The following PLCL2 variants were observed in gnomAD, a reference collection of about 807,000 sequenced individuals.
The protein encoded by PLCL2 is inactive phospholipase C-like protein 2.
PLCL2 carries 4 observed loss-of-function variants against 79.6 expected under a neutral mutation model. The ratio of observed to expected loss-of-function variants is 0.05; its 90% CI spans 0.02 to 0.11. The LOEUF is 0.11. Among genes scored for constraint, PLCL2 ranks in the 10% least tolerant of loss-of-function variants. PLCL2 has a pLI of 1.00. For missense variants in PLCL2, 895 were observed against 1,291.0 expected, an observed-to-expected ratio of 0.69 and a Z score of 4.70; for synonymous variants, 484 against 457.7, an observed-to-expected ratio of 1.06 and a Z score of -0.73.
At chr3:16,972,733 G>A (rs1393203375) in intron 1 of PLCL2, among the ~76,000 whole-genome samples, 1 of 152,126 alleles carries the variant, frequency 6.6e-6, no homozygotes, top group Non-Finnish European at 1.5e-5. Context: ...TTACCATTAT[G>A]TATTGCCCTT....
At chr3:17,037,890 A>C (rs960714500) in intron 3 of PLCL2, among the ~76,000 whole-genome samples, 5 of 152,066 alleles carry the variant, frequency 3.3e-5, no homozygotes, top group Admixed American at 2.0e-4. Context: ...AATATGAAGG[A>C]GCAGTCTATA....
At chr3:16,889,048 CG>C (rs1696287862) in intron 1 of PLCL2, among the ~76,000 whole-genome samples, 1 of 152,164 alleles carries the variant, frequency 6.6e-6, no homozygotes, top group African/African-American at 2.4e-5. Context: ...TGGCAATCTT[CG>C]GTTCTTTTTT....
intron 1 of PLCL2, among the ~76,000 whole-genome samples, chr3:16,941,697 C>T (rs1176115254): frequency 6.6e-6 from 1 of 152,168 alleles, no homozygotes. Context: ...GGGCTGAGGG[C>T]CCCTCCTCTG....
chr3:16,983,172 A>T (rs1474512425), intron 1 of PLCL2, among the ~76,000 whole-genome samples: 1 of 152,252 alleles, frequency 6.6e-6, no homozygotes, highest in Non-Finnish European at 1.5e-5. Context: ...CATAGTTGTT[A>T]CTAAAGGATG....
intron 1 of PLCL2, among the ~76,000 whole-genome samples, chr3:16,942,031 C>G (rs900596281): frequency 2.6e-5 from 4 of 152,154 alleles, no homozygotes; most frequent in Non-Finnish European, 5.9e-5. Context: ...TAAATGGAAT[C>G]TGCTAATTCT....
At chr3:17,075,837 T>G (rs2065104203) in intron 5 of PLCL2, among the ~76,000 whole-genome samples, 2 of 152,368 alleles carry the variant, frequency 1.3e-5, no homozygotes, top group South Asian at 4.1e-4. Flanking sequence ...TACAAGTTAA[T>G]GTAGGTTTCA....
intron 1 of PLCL2, among the ~76,000 whole-genome samples, chr3:16,904,792 C>G (rs1311470560): frequency 1.3e-5 from 2 of 152,050 alleles, no homozygotes; most frequent in African/African-American, 2.4e-5. Flanking sequence ...TGAGTGAGTT[C>G]TCATGAGATC....
chr3:17,017,572 TG>T (rs2064398702), intron 3 of PLCL2, among the ~76,000 whole-genome samples: 1 of 152,214 alleles, frequency 6.6e-6, no homozygotes, highest in South Asian at 2.1e-4. Flanking sequence ...ATTTTTGTAA[TG>T]TTATGTTGAG....
intron 5 of PLCL2, among the ~76,000 whole-genome samples, 173 bp downstream of exon 5, chr3:17,068,238 T>G (rs1478495642): frequency 2.0e-5 from 3 of 152,218 alleles, no homozygotes; most frequent in African/African-American, 4.8e-5. Flanking sequence ...CACAACAGTT[T>G]GACATTGTAG....
At chr3:16,947,015 G>T (rs149427313) in intron 1 of PLCL2, among the ~76,000 whole-genome samples, 1,583 of 142,336 alleles carry the variant, frequency 0.011, 30 homozygotes, top group Admixed American at 0.048. Context: ...GAGTGCAGTG[G>T]CACGGTCATG....
At chr3:16,995,934 T>TA (rs1264079697) in intron 1 of PLCL2, among the ~76,000 whole-genome samples, 2 of 152,334 alleles carry the variant, frequency 1.3e-5, no homozygotes, top group East Asian at 3.9e-4. Context: ...GAAGAGAGGT[T>TA]AGCCACACTC....
intron 1 of PLCL2, among the ~76,000 whole-genome samples, chr3:16,974,942 C>T (rs2063908680): frequency 6.6e-6 from 1 of 152,144 alleles, no homozygotes; most frequent in Admixed American, 6.6e-5. Flanking sequence ...CTTGGAATTC[C>T]TCCGGAGTCT....
chr3:17,069,435 T>C (rs751296006), intron 5 of PLCL2, among the ~76,000 whole-genome samples: 4 of 152,176 alleles, frequency 2.6e-5, no homozygotes, highest in Non-Finnish European at 5.9e-5. Flanking sequence ...TTTGTGCTTC[T>C]CTTTGGTGGG....
At chr3:16,918,160 G>A (rs983545) in intron 1 of PLCL2, among the ~76,000 whole-genome samples, 51,135 of 151,962 alleles carry the variant, frequency 0.34, 8,883 homozygotes, top group East Asian at 0.54. Context: ...AAGTAAGGCT[G>A]TAAGATTGTG....
chr3:16,966,513 C>A (rs1318372918), intron 1 of PLCL2, among the ~76,000 whole-genome samples: 1 of 152,086 alleles, frequency 6.6e-6, no homozygotes, highest in African/African-American at 2.4e-5. Flanking sequence ...ACTTTGGTAT[C>A]AGGATGATGT....
At chr3:17,020,300 A>G (rs947749183) in intron 3 of PLCL2, among the ~76,000 whole-genome samples, 1 of 152,118 alleles carries the variant, frequency 6.6e-6, no homozygotes, top group African/African-American at 2.4e-5. Flanking sequence ...GTTTTTTGTT[A>G]ATTTTGCTGC....
intron 1 of PLCL2, among the ~76,000 whole-genome samples, chr3:16,946,998 C>T (rs1298286299): frequency 3.5e-5 from 4 of 114,796 alleles, no homozygotes; most frequent in African/African-American, 1.4e-4. Flanking sequence ...CTCTGTTGCC[C>T]AGGCTGGAGT....
rs115109377 is a variant in PLCL2, at chr3:16,897,256, T to G, written c.327+11890T>G. On this transcript the variant is annotated intron_variant, in intron 1 of 5. Coordinates refer to ENST00000615277, the MANE Select transcript of PLCL2 (RefSeq NM_001144382.2). ...TATATGTGAAAATGACAGTCTGCCC[T>G]ATGTGTCTTTTTTTGATCTAGGTAA... 2.7e-3 allele frequency among the ~76,000 whole-genome samples: 412 copies of G among 152,088 alleles called. 3 individuals carry two copies. The highest frequency in any genetic ancestry group is 9.4e-3 in the African/African-American group (389 of 41,452).
Position 17,010,808 on chromosome 3 carries a change from C to A in PLCL2, c.1462C>A (p.His488Asn). The A allele has an allele frequency of 6.2e-7, 1 of 1,614,124 alleles. No individual in the cohort carries two copies. The highest frequency in any genetic ancestry group is 8.5e-7 in the Non-Finnish European group (1 of 1,180,022). The change falls in exon 2 of 6, where the codon CAC (histidine) becomes AAC (asparagine). Residue 488 changes from histidine (H) to asparagine (N), a missense_variant. Physicochemically the swap from His to Asn is moderately conservative, Grantham distance 68. Transcript: ENST00000615277. The surrounding 1 kb of genome is among the most constrained non-coding windows in gnomAD (Gnocchi z 5.8). ...PDNEPVIYTGHTMTSQIVFRS... is the reference protein window; with the variant it reads ...PDNEPVIYTGNTMTSQIVFRS... The stretch of plus-strand genomic sequence containing the variant: ...CAATGAACCTGTAATTTACACAGGC[C>A]ACACCATGACCTCTCAGATAGTTTT...
Sources: gnomAD v4.1 joint callset for allele counts (sites outside exome capture counted in the v4.1 genomes callset) on GRCh38, gnomAD v4.1.1 for gene constraint, Gnocchi (gnomAD v3.1) non-coding constraint, MANE v1.5 for transcripts, NCBI Gene and HGNC (gene_info 2026-07-23, HGNC 2026-07-21) for gene names.